Variants in NGF observed in about 807,000 individuals in gnomAD.
NGF encodes the protein nerve growth factor, also known as beta-nerve growth factor.
In NGF, 4 loss-of-function variants were observed where a neutral mutation model predicts 12.8. The observed-to-expected ratio is 0.31, with a 90% CI of 0.15 to 0.72. The LOEUF is 0.72. Ranked by LOEUF, NGF falls within the 30% of genes least tolerant of loss-of-function variation. The pLI is 0.69. For synonymous variants in NGF, 140 were observed against 130.0 expected (o/e 1.08, Z -0.52); for missense variants, 283 against 330.8 (o/e 0.86, Z 1.12).
intron 1 of NGF, among the ~76,000 whole-genome samples, chr1:115,323,233 A>T (rs1654678391): frequency 6.6e-6 from 1 of 152,060 alleles, no homozygotes; most frequent in Admixed American, 6.5e-5. Flanking sequence ...TGCCCCTGGG[A>T]TGAGTATGGG....
At chr1:115,332,872 C>T (rs1404392976) in intron 1 of NGF, among the ~76,000 whole-genome samples, 1 of 152,160 alleles carries the variant, frequency 6.6e-6, no homozygotes, top group African/African-American at 2.4e-5. Flanking sequence ...GAGCCTGTCC[C>T]ACTTGGCATC....
intron 1 of NGF, among the ~76,000 whole-genome samples, chr1:115,308,496 G>A (rs1377483530): frequency 6.6e-6 from 1 of 152,150 alleles, no homozygotes; most frequent in Non-Finnish European, 1.5e-5. Flanking sequence ...GAAACACAAT[G>A]GGCAGAACTG....
chr1:115,309,578 T>TC (rs1654288237), intron 1 of NGF, among the ~76,000 whole-genome samples: 1 of 152,134 alleles, frequency 6.6e-6, no homozygotes, highest in Non-Finnish European at 1.5e-5. Flanking sequence ...CTCCCCTGGC[T>TC]CCTGACTCCC....
intron 2 of NGF, among the ~76,000 whole-genome samples, chr1:115,290,279 G>A (rs1653646101): frequency 6.6e-6 from 1 of 151,242 alleles, no homozygotes; most frequent in Admixed American, 6.6e-5. Flanking sequence ...GGCCTTTTCT[G>A]CTCTCCACCT....
chr1:115,309,324 T>A (rs185534360), intron 1 of NGF, among the ~76,000 whole-genome samples: 1 of 152,338 alleles, frequency 6.6e-6, no homozygotes, highest in African/African-American at 2.4e-5. Context: ...GGAAATATAA[T>A]ATGTATTAGC....
At chr1:115,305,575 A>G (rs1408476864) in intron 1 of NGF, among the ~76,000 whole-genome samples, 3 of 152,198 alleles carry the variant, frequency 2.0e-5, no homozygotes, top group African/African-American at 7.2e-5. Flanking sequence ...AAAAATCAGC[A>G]CACCCTTTTG....
intron 1 of NGF, among the ~76,000 whole-genome samples, chr1:115,309,766 T>C (rs12047130): frequency 0.1 from 15,442 of 152,280 alleles, 1,114 homozygotes; most frequent in East Asian, 0.31. Context: ...TGCAGGGACA[T>C]AGATGAAGCT....
intron 1 of NGF, among the ~76,000 whole-genome samples, chr1:115,294,254 G>T (rs1346278017): frequency 6.6e-6 from 1 of 152,210 alleles, no homozygotes. Context: ...ATTTGAGAGA[G>T]AATGTGGAGC....
In NGF at chr1:115,286,467, G is replaced by C. The variant is rs1410927820; in HGVS notation, c.329C>G (p.Ala110Gly). ...TQDLDFEVGG[A>G]APFNRTHRSK... ...CCTGTGAGTCCTGTTGAAGGGGGCA[G>C]CACCACCGACCTCGAAGTCCAGATC... Residue 110 changes from alanine (A) to glycine (G), a missense_variant, in exon 3 of 3, where the codon GCT becomes GGT. Ala to Gly is a moderately conservative substitution (Grantham distance 60, BLOSUM62 0). This residue lies in a region of NGF where 132 missense variants were observed against 189.2 expected (regional missense o/e 0.70). Coordinates refer to ENST00000369512, the MANE Select transcript of NGF (RefSeq NM_002506.3). 6.2e-7 allele frequency: 1 copy of C among 1,613,802 alleles called. No homozygotes were observed. Among genetic ancestry groups the C allele is most frequent in the African/African-American group, 1.3e-5 (1 of 74,902 alleles).
rs965438646 is a variant in NGF, at chr1:115,286,765, C to T, written c.31G>A (p.Ala11Thr). 7.4e-6 allele frequency: 12 copies of T among 1,614,012 alleles called. No homozygotes were observed. The highest frequency in any genetic ancestry group is 9.3e-6 in the Non-Finnish European group (11 of 1,180,030). The stretch of plus-strand genomic sequence containing the variant: ...TCCGCCTGTATGCCGATCAGAAAAG[C>T]TGTGATCAGAGTGTAGAACAACATG... MSMLFYTLIT[A>T]FLIGIQAEPH... is the part of the protein sequence containing the mutation. The change falls in exon 3 of 3, where the codon GCT (alanine) becomes ACT (threonine). Residue 11 changes from alanine to threonine, a missense_variant. Ala to Thr is a moderately conservative substitution (Grantham distance 58). Transcript: ENST00000369512.
intron 1 of NGF, among the ~76,000 whole-genome samples, chr1:115,317,604 C>T (rs1233187508): frequency 6.6e-6 from 1 of 152,164 alleles, no homozygotes; most frequent in East Asian, 1.9e-4. Flanking sequence ...GTTTGTCACC[C>T]ACGTATTTGG....
At chr1:115,332,641 A>G (rs1449775693) in intron 1 of NGF, among the ~76,000 whole-genome samples, 1 of 151,988 alleles carries the variant, frequency 6.6e-6, no homozygotes, top group Non-Finnish European at 1.5e-5. Flanking sequence ...TGTTTTGCCT[A>G]TGCCTTCCCA....
intron 1 of NGF, among the ~76,000 whole-genome samples, chr1:115,325,439 A>G (rs550070408): frequency 2.6e-5 from 4 of 152,192 alleles, no homozygotes; most frequent in African/African-American, 9.6e-5. Flanking sequence ...ACTGGCTGCC[A>G]GTAACACCCC....
At chr1:115,322,893 T>A (rs1257748095) in intron 1 of NGF, among the ~76,000 whole-genome samples, 1 of 152,124 alleles carries the variant, frequency 6.6e-6, no homozygotes, top group African/African-American at 2.4e-5. Context: ...TTTCCATGAG[T>A]CATTGACTGA....
chr1:115,304,329 A>ATTTTTTTTTTTTTTT lies in NGF; in HGVS notation c.-136-10594_-136-10580dup, dbSNP rs58345237. Among the ~76,000 whole-genome samples, 580 of 80,736 alleles carry ATTTTTTTTTTTTTTT rather than the reference A, an allele frequency of 7.2e-3. 81 individuals are homozygous for ATTTTTTTTTTTTTTT. The highest frequency in any genetic ancestry group is 7.9e-3 in the African/African-American group (189 of 24,060). 53.0% of individuals were successfully genotyped at this position (80,736 alleles called of 152,430 possible). On this transcript the variant is annotated intron_variant, in intron 1 of 2. Coordinates refer to ENST00000369512, the MANE Select transcript of NGF (RefSeq NM_002506.3). ...AGGAGCGCACCACCATGCTTGGCTA[A>ATTTTTTTTTTTTTTT]TTTTTTTTTTTTTTTTGTATTTTTA... is the stretch of plus-strand genomic sequence containing the variant.
intron 1 of NGF, among the ~76,000 whole-genome samples, chr1:115,313,801 C>G (rs1165946399): frequency 1.3e-5 from 2 of 152,106 alleles, no homozygotes. Flanking sequence ...AACATTTGAG[C>G]CTGAGGAAAC....
intron 1 of NGF, among the ~76,000 whole-genome samples, chr1:115,297,006 C>T (rs889720294): frequency 6.6e-6 from 1 of 152,200 alleles, no homozygotes; most frequent in Non-Finnish European, 1.5e-5. Flanking sequence ...TTACAGGGCA[C>T]AAAGGAATCC....
intron 1 of NGF, among the ~76,000 whole-genome samples, chr1:115,295,794 A>C (rs1653849683): frequency 6.6e-6 from 1 of 152,170 alleles, no homozygotes; most frequent in Non-Finnish European, 1.5e-5. Flanking sequence ...TAGATGCTTA[A>C]GTAGTGCTTT....
At chr1:115,300,857 C>G (rs2101032531) in intron 1 of NGF, among the ~76,000 whole-genome samples, 1 of 152,312 alleles carries the variant, frequency 6.6e-6, no homozygotes, top group East Asian at 1.9e-4. Flanking sequence ...CTATCTTAGT[C>G]CCACATGGGC....
Sources: gnomAD v4.1 joint callset for allele counts (sites outside exome capture counted in the v4.1 genomes callset) on GRCh38, gnomAD v4.1.1 for gene constraint, gnomAD v4.1.1 regional missense constraint, MANE v1.5 for transcripts, NCBI Gene and HGNC (gene_info 2026-07-23, HGNC 2026-07-21) for gene names.